Variants in KLHL23 observed in about 807,000 individuals in gnomAD.
The protein encoded by KLHL23 is kelch-like protein 23.
A neutral mutation model predicts 48.9 loss-of-function variants in KLHL23; 33 were observed. That is an observed-to-expected ratio of 0.67 (90% CI 0.51 to 0.90). KLHL23 has a LOEUF of 0.90. Ranked by LOEUF, KLHL23 falls within the 40% of genes least tolerant of loss-of-function variation. KLHL23 has a pLI of 0.00. For synonymous variants in KLHL23, 234 were observed against 231.6 expected (o/e 1.01, Z -0.09); for missense variants, 608 against 669.6 (o/e 0.91, Z 1.02).
At chr2:169,746,513 T>C (rs1173794120) in intron 3 of KLHL23, among the ~76,000 whole-genome samples, 2 of 152,238 alleles carry the variant, frequency 1.3e-5, no homozygotes. Flanking sequence ...ATATCTGCTG[T>C]GTGCATCCTA....
At chr2:169,738,838 TCCC>T (rs1688584653) in intron 2 of KLHL23, among the ~76,000 whole-genome samples, 2 of 5,838 alleles carry the variant, frequency 3.4e-4, no homozygotes, top group Non-Finnish European at 3.1e-4. Context: ...CTCCCCCTCC[TCCC>T]CCTCCCCTTC....
intron 2 of KLHL23, among the ~76,000 whole-genome samples, chr2:169,738,413 A>T (rs1205593898): frequency 6.6e-6 from 1 of 152,108 alleles, no homozygotes; most frequent in Non-Finnish European, 1.5e-5. Flanking sequence ...AGCCATACTG[A>T]ACTTTTAGAT....
At chr2:169,741,183 GC>G in intron 2 of KLHL23, 1 of 502,990 alleles carries the variant, frequency 2.0e-6, no homozygotes, top group Non-Finnish European at 3.4e-6. Context: ...GTGGTGCATG[GC>G]TGTGTTTGTG....
chr2:169,745,843 G>A (rs1019718927), intron 3 of KLHL23, among the ~76,000 whole-genome samples: 1 of 152,158 alleles, frequency 6.6e-6, no homozygotes, highest in Non-Finnish European at 1.5e-5. Flanking sequence ...TGATGAGCTC[G>A]ATTTTATAGT....
chr2:169,743,889 T>G (rs1282523574), intron 3 of KLHL23, among the ~76,000 whole-genome samples: 1 of 152,252 alleles, frequency 6.6e-6, no homozygotes, highest in Admixed American at 6.5e-5. Flanking sequence ...TCTTAAGGAT[T>G]TTAGCAGTAC....
intron 2 of KLHL23, 61 bp from the exon 3 acceptor site, chr2:169,741,324 G>A: frequency 6.5e-7 from 1 of 1,549,306 alleles, no homozygotes; most frequent in Non-Finnish European, 8.7e-7. Context: ...ATTTAGCCCA[G>A]GGTTCACTGC....
At chr2:169,742,577 C>T (rs1350704307) in intron 3 of KLHL23, among the ~76,000 whole-genome samples, 1 of 152,230 alleles carries the variant, frequency 6.6e-6, no homozygotes, top group Non-Finnish European at 1.5e-5. Context: ...GGAGCAGACT[C>T]TCCTGCTTTC....
intron 2 of KLHL23, among the ~76,000 whole-genome samples, chr2:169,740,606 G>A (rs1055255540): frequency 2.0e-5 from 3 of 149,938 alleles, no homozygotes; most frequent in South Asian, 2.1e-4. Context: ...CCACCACCAC[G>A]TCCTGCTAAT....
In KLHL23 at chr2:169,736,194, G is replaced by C. The variant is rs1215766572; in HGVS notation, c.1180G>C (p.Glu394Gln). The change falls in exon 2 of 4, where the codon GAG becomes CAG. Residue 394 changes from glutamate (E) to glutamine (Q), a missense_variant. Glu to Gln is a conservative substitution (Grantham distance 29, BLOSUM62 2). Transcript: ENST00000392647. ...EEAEFYDPLKEKWIPIANMIK... is the reference protein window; with the variant it reads ...EEAEFYDPLKQKWIPIANMIK... Reference sequence around the variant, plus strand: ...GGCTGAGTTCTATGATCCTTTAAAAGAGAAATGGATTCCTATTGCAAACAT... The same window carrying C: ...GGCTGAGTTCTATGATCCTTTAAAACAGAAATGGATTCCTATTGCAAACAT... 2 of 1,610,100 alleles carry C rather than the reference G, an allele frequency of 1.2e-6. No individual in the cohort carries two copies. Among genetic ancestry groups the C allele is most frequent in the Admixed American group, 3.4e-5 (2 of 58,946 alleles).
At chr2:169,737,283 G>A (rs1055373816) in intron 2 of KLHL23, among the ~76,000 whole-genome samples, 6 of 152,206 alleles carry the variant, frequency 3.9e-5, no homozygotes, top group African/African-American at 1.4e-4. Context: ...ACGCATGATT[G>A]TCCTGAATGT....
At chr2:169,748,595 T>G (rs1213529436) in intron 3 of KLHL23, among the ~76,000 whole-genome samples, 1 of 151,858 alleles carries the variant, frequency 6.6e-6, no homozygotes, top group African/African-American at 2.4e-5. Flanking sequence ...ACTCACAGAG[T>G]TCTGCCTCCC....
chr2:169,747,063 A>G (rs950129920), intron 3 of KLHL23, among the ~76,000 whole-genome samples: 2 of 152,132 alleles, frequency 1.3e-5, no homozygotes, highest in Admixed American at 6.6e-5. Context: ...CAAAAATGCA[A>G]TCTTCTAAGA....
intron 3 of KLHL23, among the ~76,000 whole-genome samples, chr2:169,748,771 G>GGCCCCCCC (rs1688866941): frequency 9.1e-6 from 1 of 110,266 alleles, no homozygotes; most frequent in Non-Finnish European, 2.1e-5. Flanking sequence ...GAGGAGGACC[G>GGCCCCCCC]CCCCCCCCCC....
chr2:169,734,984 A>T (rs779915975), intron 1 of KLHL23, 29 bp from the exon 2 acceptor site: 5 of 1,514,716 alleles, frequency 3.3e-6, no homozygotes, highest in Non-Finnish European at 4.4e-6. Flanking sequence ...AACATTGAAA[A>T]CACATTTGTT....
At chr2:169,747,156 G>A (rs1017565674) in intron 3 of KLHL23, among the ~76,000 whole-genome samples, 2 of 152,008 alleles carry the variant, frequency 1.3e-5, no homozygotes, top group African/African-American at 2.4e-5. Flanking sequence ...GAGTCCAGGA[G>A]TTCAAGACTA....
intron 3 of KLHL23, among the ~76,000 whole-genome samples, chr2:169,742,652 C>T (rs1688702746): frequency 6.6e-6 from 1 of 152,206 alleles, no homozygotes; most frequent in Admixed American, 6.5e-5. Flanking sequence ...CTGAAGCACA[C>T]CTAAATCTGG....
At chr2:169,742,614 A>G (rs1688702236) in intron 3 of KLHL23, among the ~76,000 whole-genome samples, 1 of 152,180 alleles carries the variant, frequency 6.6e-6, no homozygotes, top group African/African-American at 2.4e-5. Context: ...TCCAGCCCAT[A>G]CATCATCTAT....
rs1392977082 is a variant in KLHL23 at position 169,749,686 on chromosome 2, C to G, written c.1631C>G (p.Pro544Arg). The change falls in exon 4 of 4, where the codon CCC becomes CGC. Residue 544 changes from proline (P) to arginine (R), a missense_variant. By Grantham distance (103) the Pro-to-Arg change is moderately radical (BLOSUM62 -2). Transcript: ENST00000392647. ...LNKWEIVGNL[P>R]SAMRSHGCVC... Reference sequence around the variant, plus strand: ...AAGTGGGAAATAGTGGGTAATCTTCCCAGTGCCATGCGGTCTCATGGGTGT... The same window carrying G: ...AAGTGGGAAATAGTGGGTAATCTTCGCAGTGCCATGCGGTCTCATGGGTGT... 8.1e-6 allele frequency: 13 copies of G among 1,612,972 alleles called. No individual in the cohort carries two copies. The highest frequency in any genetic ancestry group is 1.7e-5 in the Admixed American group (1 of 59,958).
Position 169,749,722 on chromosome 2 carries a change from A to G in KLHL23, c.1667A>G (p.Tyr556Cys). ...AMRSHGCVCV[Y>C]NV ...CGGTCTCATGGGTGTGTTTGTGTGT[A>G]TAATGTCTAATTGAATCTGCAGAAA... The change falls in exon 4 of 4, where the codon TAT becomes TGT. Residue 556 changes from tyrosine to cysteine, a missense_variant. This residue lies in a region of KLHL23 where 179 missense variants were observed against 169.9 expected (regional missense o/e 1.05). Coordinates refer to ENST00000392647, the MANE Select transcript of KLHL23 (RefSeq NM_144711.6). 1 of 1,597,156 alleles carries G rather than the reference A, an allele frequency of 6.3e-7. No individual in the cohort carries two copies. Among genetic ancestry groups the G allele is most frequent in the Non-Finnish European group, 8.6e-7 (1 of 1,167,194 alleles).
Sources: gnomAD v4.1 joint callset for allele counts (sites outside exome capture counted in the v4.1 genomes callset) on GRCh38, gnomAD v4.1.1 for gene constraint, gnomAD v4.1.1 regional missense constraint, MANE v1.5 for transcripts, NCBI Gene and HGNC (gene_info 2026-07-23, HGNC 2026-07-21) for gene names.